OPCML: variants seen among roughly 807,000 people sequenced by gnomAD.
OPCML encodes opioid binding protein/cell adhesion molecule like, also known as opioid-binding protein/cell adhesion molecule.
Under a neutral mutation model 37.8 loss-of-function variants are expected in OPCML, and 13 were observed. The ratio of observed to expected loss-of-function variants is 0.34; its 90% confidence interval spans 0.22 to 0.55. OPCML has a LOEUF of 0.55. OPCML is among the 20% of genes least tolerant of loss of function. OPCML has a pLI of 0.91. For missense variants in OPCML, 341 were observed against 435.6 expected (o/e 0.78, Z 1.93); for synonymous variants, 176 against 168.8 (o/e 1.04, Z -0.33).
intron 1 of OPCML, among the ~76,000 whole-genome samples, chr11:133,525,726 A>AC (rs1948477086): frequency 6.6e-6 from 1 of 152,186 alleles, no homozygotes; most frequent in East Asian, 1.9e-4. Context: ...TTCCAGAATG[A>AC]CCGCTCAGGC....
chr11:133,514,316 A>C (rs1035042121), intron 1 of OPCML, among the ~76,000 whole-genome samples: 1 of 152,206 alleles, frequency 6.6e-6, no homozygotes, highest in Non-Finnish European at 1.5e-5. Context: ...GGAGCTTTGG[A>C]GACACTGACC....
chr11:132,883,081 C>G (rs1943275887), intron 2 of OPCML, among the ~76,000 whole-genome samples: 1 of 152,138 alleles, frequency 6.6e-6, no homozygotes, highest in South Asian at 2.1e-4. Flanking sequence ...CCAAAATGGT[C>G]CGATCTGAGG....
chr11:132,526,143 A>T (rs2096307807), intron 4 of OPCML, among the ~76,000 whole-genome samples: 2 of 152,178 alleles, frequency 1.3e-5, no homozygotes. Flanking sequence ...AAATCTTACC[A>T]GTGTACCATT....
At chr11:133,385,587 C>T (rs1037182108) in intron 1 of OPCML, among the ~76,000 whole-genome samples, 8 of 152,020 alleles carry the variant, frequency 5.3e-5, no homozygotes, top group African/African-American at 1.9e-4. Flanking sequence ...TTCCAGTCTC[C>T]AGCCTAGCTG....
chr11:133,158,622 C>A (rs904635508), intron 1 of OPCML, among the ~76,000 whole-genome samples: 7 of 151,676 alleles, frequency 4.6e-5, no homozygotes, highest in Admixed American at 4.6e-4. Flanking sequence ...ATCACTTGAA[C>A]CTGGGAGGTG....
At chr11:132,487,828 CTCAA>C (rs1307606945) in intron 4 of OPCML, among the ~76,000 whole-genome samples, 1 of 152,240 alleles carries the variant, frequency 6.6e-6, no homozygotes. Flanking sequence ...TCTTATCTTA[CTCAA>C]TCATAGTATT....
intron 1 of OPCML, among the ~76,000 whole-genome samples, chr11:133,092,254 A>G (rs924181208): frequency 6.6e-6 from 1 of 152,192 alleles, no homozygotes; most frequent in African/African-American, 2.4e-5. Context: ...GAATTGTGAG[A>G]AATAAATGTC....
intron 2 of OPCML, among the ~76,000 whole-genome samples, chr11:132,873,407 G>T (rs1012965781): frequency 9.9e-5 from 15 of 152,210 alleles, no homozygotes; most frequent in African/African-American, 3.6e-4. Context: ...CCAGGTGTAG[G>T]CATGCCCCCC....
chr11:133,140,772 A>AGACGACGAT, intron 1 of OPCML, among the ~76,000 whole-genome samples: 1 of 144,122 alleles, frequency 6.9e-6, no homozygotes, highest in South Asian at 2.3e-4. Flanking sequence ...ACGAAGAAGA[A>AGACGACGAT]GAAGAAGAAG....
intron 2 of OPCML, among the ~76,000 whole-genome samples, chr11:132,665,609 G>T (rs952336473): frequency 6.6e-6 from 1 of 152,210 alleles, no homozygotes; most frequent in Non-Finnish European, 1.5e-5. Context: ...GGTAAAAGAA[G>T]TAAAGCGTAG....
intron 1 of OPCML, among the ~76,000 whole-genome samples, chr11:133,071,151 C>G (rs568527754): frequency 1.4e-4 from 22 of 152,330 alleles, no homozygotes; most frequent in African/African-American, 5.1e-4. Flanking sequence ...CAGGTACTGG[C>G]TAAGACAGGC....
intron 1 of OPCML, among the ~76,000 whole-genome samples, chr11:133,444,635 C>T (rs1191328566): frequency 6.6e-6 from 1 of 152,132 alleles, no homozygotes; most frequent in East Asian, 1.9e-4. Context: ...TTTATACTTA[C>T]AGGGTAACAA....
chr11:133,185,054 C>A (rs768179517), intron 1 of OPCML, among the ~76,000 whole-genome samples: 17 of 152,126 alleles, frequency 1.1e-4, no homozygotes, highest in Non-Finnish European at 2.1e-4. Flanking sequence ...ACAAAGCCAA[C>A]CCAGCTTTCA....
At chr11:133,194,930 C>T (rs910107407) in intron 1 of OPCML, among the ~76,000 whole-genome samples, 2 of 152,180 alleles carry the variant, frequency 1.3e-5, no homozygotes, top group African/African-American at 4.8e-5. Flanking sequence ...AGGTGCAGCT[C>T]GGATGTCAAC....
At chr11:133,446,543 G>A (rs1030990236) in intron 1 of OPCML, among the ~76,000 whole-genome samples, 6 of 152,050 alleles carry the variant, frequency 3.9e-5, no homozygotes, top group African/African-American at 1.2e-4. Context: ...TCCCACCTTG[G>A]CCTCCCGAGT....
chr11:132,682,293 C>A (rs1942983209), intron 2 of OPCML, among the ~76,000 whole-genome samples: 1 of 152,170 alleles, frequency 6.6e-6, no homozygotes, highest in Non-Finnish European at 1.5e-5. Context: ...CCTAAGCTGA[C>A]AGAATCCCTA....
intron 1 of OPCML, among the ~76,000 whole-genome samples, chr11:133,395,365 G>A (rs866573965): frequency 1.3e-5 from 2 of 151,972 alleles, no homozygotes; most frequent in Non-Finnish European, 2.9e-5. Flanking sequence ...TGTTGCTGTT[G>A]TTGTTGTTTT....
intron 1 of OPCML, among the ~76,000 whole-genome samples, chr11:133,120,361 G>A (rs1176660867): frequency 6.6e-6 from 1 of 152,180 alleles, no homozygotes. Context: ...AATGGGCAAG[G>A]CCATAGGAAC....
chr11:132,582,708 A>G (rs2137645947), intron 3 of OPCML, among the ~76,000 whole-genome samples: 1 of 152,340 alleles, frequency 6.6e-6, no homozygotes, highest in East Asian at 1.9e-4. Flanking sequence ...AGAGTAGTCA[A>G]TATGGAGATA....
Sources: allele counts gnomAD v4.1 joint callset (sites outside exome capture counted in the v4.1 genomes callset), GRCh38; gene constraint gnomAD v4.1.1; transcripts MANE v1.5; gene names NCBI Gene and HGNC (gene_info 2026-07-23, HGNC 2026-07-21).